Variants in NLRP2 observed in about 807,000 individuals in gnomAD.
NLRP2 encodes NACHT, LRR and PYD domains-containing protein 2.
NLRP2 carries 107 observed loss-of-function variants against 97.2 expected under a neutral mutation model. The ratio of observed to expected loss-of-function variants is 1.10; its 90% CI spans 0.94 to 1.29. The LOEUF is 1.29. NLRP2 is among the 50% of genes most tolerant of loss of function. NLRP2 has a pLI of 0.00. For synonymous variants in NLRP2, 663 were observed against 551.5 expected, an observed-to-expected ratio of 1.20 and a Z score of -2.83; for missense variants, 1,495 against 1,330.3, an observed-to-expected ratio of 1.12 and a Z score of -1.93.
intron 10 of NLRP2, chr19:54,993,434 GAAGA>G (rs534130504): frequency 9.8e-4 from 150 of 152,402 alleles, no homozygotes; most frequent in Non-Finnish European, 1.8e-3. Context: ...TATTGAGACA[GAAGA>G]AAGAAAACAG....
At chr19:54,971,953 C>T (rs1006324902) in intron 2 of NLRP2, among the ~76,000 whole-genome samples, 4 of 151,392 alleles carry the variant, frequency 2.6e-5, no homozygotes. Flanking sequence ...CTCAGCCTCC[C>T]GAGTAGCCGG....
intron 8 of NLRP2, among the ~76,000 whole-genome samples, chr19:54,989,285 A>G (rs1016693339): frequency 1.3e-5 from 2 of 151,990 alleles, no homozygotes; most frequent in African/African-American, 2.4e-5. Context: ...AGCCTGGCCA[A>G]CATGGTAAAA....
chr19:54,979,356 T>C (rs889488152), intron 4 of NLRP2, among the ~76,000 whole-genome samples: 3 of 152,070 alleles, frequency 2.0e-5, no homozygotes, highest in Admixed American at 6.6e-5. Flanking sequence ...TTTTGTTTTT[T>C]CTTGAGAAAG....
intron 12 of NLRP2, among the ~76,000 whole-genome samples, chr19:54,999,901 T>G (rs2146578268): frequency 6.6e-6 from 1 of 152,126 alleles, no homozygotes; most frequent in East Asian, 1.9e-4. Context: ...CACACCCAAC[T>G]AACTTTTATA....
chr19:54,973,054 G>T (rs898720861), intron 2 of NLRP2, among the ~76,000 whole-genome samples: 2 of 151,946 alleles, frequency 1.3e-5, no homozygotes, highest in Non-Finnish European at 2.9e-5. Context: ...AGCCGGGCGT[G>T]GTGGCACACT....
Position 54,983,511 on chromosome 19 carries a change from C to T in NLRP2, c.1813C>T (p.Leu605Phe), listed in dbSNP as rs752629141. ...TTCAACGGTGACAGACCTGCAGGAG[C>T]TCCTCGGCTGTCTGTACGAGTCTCA... ...GHSTVTDLQE[L>F]LGCLYESQEE... The change falls in exon 6 of 13, where the codon CTC becomes TTC. Residue 605 changes from leucine (L) to phenylalanine (F), a missense_variant. Physicochemically the swap from Leu to Phe is conservative, Grantham distance 22 (BLOSUM62 0). Transcript: ENST00000448584. The T allele has an allele frequency of 1.2e-6, 2 of 1,614,068 alleles. No individual in the cohort carries two copies. Among genetic ancestry groups the T allele is most frequent in the Non-Finnish European group, 1.7e-6 (2 of 1,180,046 alleles).
chr19:55,000,270 C>CTTTTTTTTTTTTT lies in NLRP2; in HGVS notation c.3051-463_3051-451dup, dbSNP rs1157138794. Among the ~76,000 whole-genome samples the CTTTTTTTTTTTTT allele has an allele frequency of 1.0e-3, 37 of 36,026 alleles. 9 individuals are homozygous for CTTTTTTTTTTTTT. Among genetic ancestry groups the CTTTTTTTTTTTTT allele is most frequent in the East Asian group, 1.5e-3 (1 of 674 alleles). The allele number at this position is 36,026 out of a possible 152,430, so 23.6% of individuals were successfully genotyped here. A position where few individuals can be genotyped will look rare whatever the true frequency, so the allele number is the denominator to read the frequency against. The stretch of plus-strand genomic sequence containing the variant: ...CCAGCTTGGGCAACAGAGAGACTGT[C>CTTTTTTTTTTTTT]TTTTTTTTTTTTTTTTTTTTTTTTT... On this transcript the variant is annotated intron_variant, in intron 12 of 12. Coordinates refer to ENST00000448584, the MANE Select transcript of NLRP2 (RefSeq NM_017852.5).
rs148341785 is a variant in NLRP2, at chr19:54,974,537, A to G, written c.318A>G (p.Leu106=). The change falls in exon 3 of 13, where the codon CTA becomes CTG. Residue 106 remains leucine (L), a synonymous_variant. Coordinates refer to ENST00000448584, the MANE Select transcript of NLRP2 (RefSeq NM_017852.5). ...AATCCTTTAATAAAAGGAAGCCTCT[A>G]TCATTAGGTAAGTTACCTCATTTAT... is the stretch of plus-strand genomic sequence containing the variant. The part of the protein sequence containing the change: ...ALKSFNKRKP[L]SLGITRKERP... The G allele has an allele frequency of 2.5e-5, 40 of 1,599,624 alleles. No individual in the cohort carries two copies. Among genetic ancestry groups the G allele is most frequent in the Non-Finnish European group, 3.4e-5 (40 of 1,166,942 alleles).
In NLRP2 at chr19:54,985,207, C is replaced by T. The variant is rs867883038; in HGVS notation, c.2191C>T (p.Gln731Ter). 1.2e-6 allele frequency: 2 copies of T among 1,613,804 alleles called. No individual in the cohort carries two copies. The highest frequency in any genetic ancestry group is 1.7e-6 in the Non-Finnish European group (2 of 1,179,930). The change falls in exon 7 of 13, where the codon CAG becomes TAG. Residue 731 changes from glutamine (Q) to a stop codon, truncating the protein, a stop_gained. Coordinates refer to ENST00000448584, the MANE Select transcript of NLRP2 (RefSeq NM_017852.5). LOFTEE classifies it high-confidence loss of function. ...EQIASDTCHL[Q>*]RVVFKNISPA... ...AATAGCCTCTGACACCTGTCATCTC[C>T]AGAGAGTGGTGTAAGTAGAAACTAA... is the stretch of plus-strand genomic sequence containing the variant.
intron 8 of NLRP2, among the ~76,000 whole-genome samples, chr19:54,987,794 G>A (rs1469849954): frequency 6.6e-6 from 1 of 150,764 alleles, no homozygotes; most frequent in African/African-American, 2.4e-5. Context: ...TGTAATCCCA[G>A]CACTTTGGGA....
At chr19:54,977,463 C>A (rs1320947831) in intron 3 of NLRP2, among the ~76,000 whole-genome samples, 1 of 147,404 alleles carries the variant, frequency 6.8e-6, no homozygotes, top group African/African-American at 2.5e-5. Context: ...CAAAGCCTTT[C>A]CAGTGGCCTT....
At chr19:54,999,877 T>C (rs540910533) in intron 12 of NLRP2, among the ~76,000 whole-genome samples, 63 of 151,926 alleles carry the variant, frequency 4.1e-4, no homozygotes, top group East Asian at 5.9e-4. Context: ...GCTGGGATTA[T>C]AGGGATGCAC....
At chr19:54,968,427 TG>T (rs1175273752) in intron 1 of NLRP2, among the ~76,000 whole-genome samples, 2 of 151,702 alleles carry the variant, frequency 1.3e-5, no homozygotes, top group Non-Finnish European at 2.9e-5. Flanking sequence ...CTGGCTCAGG[TG>T]ATCCTCCCAC....
At position 54,983,393 on chromosome 19, in the gene NLRP2, A is replaced by G. The variant is rs201465832; in HGVS notation, c.1695A>G (p.Arg565=). The change falls in exon 6 of 13, where the codon AGA becomes AGG. Residue 565 remains arginine (R), a synonymous_variant. Transcript: ENST00000448584. ...CCTTTGGCCTCGCTAACGAGAAGAG[A>G]GCCAAGGAGTTGGAGGCCACTTTTG... is the stretch of plus-strand genomic sequence containing the variant. ...YYSFGLANEK[R]AKELEATFGC... is the part of the protein sequence containing the mutation. The G allele has an allele frequency of 8.5e-5, 138 of 1,614,052 alleles. No homozygotes were observed. The highest frequency in any genetic ancestry group is 1.1e-4 in the Non-Finnish European group (133 of 1,180,042).
intron 8 of NLRP2, among the ~76,000 whole-genome samples, chr19:54,987,155 G>A (rs1042007255): frequency 3.2e-4 from 18 of 55,500 alleles, no homozygotes; most frequent in African/African-American, 9.3e-4. Context: ...CCACCCCGCC[G>A]TCGGCCTCCC....
In NLRP2 at chr19:54,994,252, C is replaced by T. The variant is rs750561060; in HGVS notation, c.2709-17C>T. Reference sequence around the variant, plus strand: ...TCACAGGTTCGGGTTTGCTTTCTTCCTGTGGTTGATTTCTAGGCTTTGGAA... The same window carrying T: ...TCACAGGTTCGGGTTTGCTTTCTTCTTGTGGTTGATTTCTAGGCTTTGGAA... On this transcript the variant is annotated splice_polypyrimidine_tract_variant and intron_variant, in intron 10 of 12. Transcript: ENST00000448584. The T allele has an allele frequency of 2.5e-6, 4 of 1,613,886 alleles. No individual in the cohort carries two copies. The highest frequency in any genetic ancestry group is 3.4e-6 in the Non-Finnish European group (4 of 1,179,812).
At chr19:54,984,404 C>A (rs1342753185) in intron 6 of NLRP2, among the ~76,000 whole-genome samples, 6 of 134,078 alleles carry the variant, frequency 4.5e-5, no homozygotes, top group African/African-American at 1.4e-4. Context: ...ACTCCCAAAG[C>A]ACTGAGATTA....
intron 2 of NLRP2, among the ~76,000 whole-genome samples, chr19:54,973,438 C>T (rs971178050): frequency 2.7e-5 from 4 of 146,296 alleles, no homozygotes; most frequent in Non-Finnish European, 3.0e-5. Context: ...TGCAATGGCG[C>T]GATCTCGGCT....
Position 54,982,585 on chromosome 19 carries a change from C to T in NLRP2, c.887C>T (p.Ala296Val). 1 of 1,614,186 alleles carries T rather than the reference C, an allele frequency of 6.2e-7. No individual in the cohort carries two copies. Among genetic ancestry groups the T allele is most frequent in the Non-Finnish European group, 8.5e-7 (1 of 1,180,036 alleles). ...VIDGFDELGA[A>V]PGALIEDICG... ...GACGGCTTTGATGAGCTGGGAGCCG[C>T]ACCTGGGGCGCTGATCGAGGACATC... The change falls in exon 6 of 13, where the codon GCA (alanine) becomes GTA (valine). Residue 296 changes from alanine (A) to valine (V), a missense_variant. Coordinates refer to ENST00000448584, the MANE Select transcript of NLRP2 (RefSeq NM_017852.5).
Sources: gnomAD v4.1 joint callset for allele counts (sites outside exome capture counted in the v4.1 genomes callset) on GRCh38, gnomAD v4.1.1 for gene constraint, MANE v1.5 for transcripts, NCBI Gene and HGNC (gene_info 2026-07-23, HGNC 2026-07-21) for gene names.